MED12L: variants seen among roughly 807,000 people sequenced by gnomAD.
MED12L encodes mediator of RNA polymerase II transcription subunit 12-like protein.
MED12L carries 60 observed loss-of-function variants against 281.3 expected under a neutral mutation model. The ratio of observed to expected loss-of-function variants is 0.21; its 90% CI spans 0.17 to 0.26. The LOEUF (loss-of-function observed/expected upper bound fraction) is 0.26. Among genes scored for constraint, MED12L ranks in the 10% least tolerant of loss-of-function variants. MED12L has a pLI of 1.00. For synonymous variants in MED12L, 974 were observed against 987.2 expected (o/e 0.99, Z 0.25); for missense variants, 2,146 against 2,680.9 (o/e 0.80, Z 4.41).
At chr3:151,124,144 G>A (rs1296648463) in intron 4 of MED12L, among the ~76,000 whole-genome samples, 1 of 152,172 alleles carries the variant, frequency 6.6e-6, no homozygotes, top group African/African-American at 2.4e-5. Flanking sequence ...TACTTTCCAT[G>A]TTGCCAGCCT....
At chr3:151,149,007 C>T (rs60620665) in intron 5 of MED12L, among the ~76,000 whole-genome samples, 5,789 of 152,152 alleles carry the variant, frequency 0.038, 358 homozygotes, top group African/African-American at 0.13. Flanking sequence ...TTTAGGTGTG[C>T]AGTGGTGAGT....
chr3:151,231,307 G>C (rs1731620882), intron 16 of MED12L, among the ~76,000 whole-genome samples: 1 of 152,158 alleles, frequency 6.6e-6, no homozygotes. Flanking sequence ...AAAGCCACTG[G>C]GTGAATGGGT....
chr3:151,358,457 C>T (rs1034368300), intron 20 of MED12L, among the ~76,000 whole-genome samples: 13 of 152,102 alleles, frequency 8.5e-5, no homozygotes, highest in African/African-American at 2.6e-4. Flanking sequence ...AAAAATCTTT[C>T]GAACTGGAAG....
intron 20 of MED12L, among the ~76,000 whole-genome samples, chr3:151,360,264 A>G (rs577000291): frequency 2.6e-4 from 39 of 152,222 alleles, no homozygotes; most frequent in African/African-American, 8.9e-4. Flanking sequence ...GTCATCAGTG[A>G]CATTTCTGAA....
intron 16 of MED12L, among the ~76,000 whole-genome samples, chr3:151,208,134 C>T (rs1450253402): frequency 1.3e-5 from 2 of 152,088 alleles, no homozygotes; most frequent in African/African-American, 2.4e-5. Flanking sequence ...TATTTTTTAC[C>T]TAACTACTTT....
chr3:151,189,046 G>A (rs181919925), intron 13 of MED12L, among the ~76,000 whole-genome samples: 1 of 152,286 alleles, frequency 6.6e-6, no homozygotes, highest in Admixed American at 6.5e-5. Flanking sequence ...TATTTTGTGA[G>A]CTATGTAGGC....
intron 20 of MED12L, among the ~76,000 whole-genome samples, chr3:151,358,332 A>G (rs1306607780): frequency 1.3e-5 from 2 of 152,118 alleles, no homozygotes; most frequent in African/African-American, 2.4e-5. Flanking sequence ...CTACTGTATA[A>G]AGTTTGAATT....
rs1195667790 is a variant in MED12L at position 151,434,796 on chromosome 3, A to ATGAG, written c.*1995_*1998dup. 1.3e-5 allele frequency: 2 copies of ATGAG among 152,248 alleles called. No individual in the cohort carries two copies. Among genetic ancestry groups the ATGAG allele is most frequent in the Non-Finnish European group, 2.9e-5 (2 of 68,038 alleles). The allele number at this position is 152,248 out of a possible 1,614,324, so 9.4% of individuals were successfully genotyped here. A position where few individuals can be genotyped will look rare whatever the true frequency, so the allele number is the denominator to read the frequency against. ...AAACAACAGTAATACTGTTTTAAGA[A>ATGAG]TGAGTGTTATAATTGCATAGCATTT... On this transcript the variant is annotated 3_prime_UTR_variant, in exon 45 of 45. Transcript: ENST00000687756.
chr3:151,188,477 T>G lies in MED12L; in HGVS notation c.1750T>G (p.Leu584Val). 1.2e-6 allele frequency: 2 copies of G among 1,610,716 alleles called. No homozygotes were observed. Among genetic ancestry groups the G allele is most frequent in the Non-Finnish European group, 1.7e-6 (2 of 1,178,408 alleles). ...GTTTTTAGATACACAGGCCCCCTCT[T>G]TGTGTAAGTAGAGAAAACTCTTTGC... ...LRFLDTQAPS[L>V]SDPNSECEKV... The change falls in exon 13 of 45, where the codon TTG (leucine) becomes GTG (valine). Residue 584 changes from leucine to valine, a missense_variant. Leu to Val is a conservative substitution (Grantham distance 32, BLOSUM62 1). Transcript: ENST00000687756.
chr3:151,391,640 T>C (rs577760852), intron 38 of MED12L, among the ~76,000 whole-genome samples: 18 of 152,336 alleles, frequency 1.2e-4, no homozygotes, highest in Admixed American at 3.3e-4. Flanking sequence ...TTACAAATTT[T>C]TGTTGGGCTG....
chr3:151,312,261 A>G (rs1747650187), intron 16 of MED12L, among the ~76,000 whole-genome samples: 1 of 152,222 alleles, frequency 6.6e-6, no homozygotes, highest in Non-Finnish European at 1.5e-5. Flanking sequence ...TCTAGAGGCA[A>G]CAGATATTTA....
chr3:151,429,009 T>C (rs889289481), intron 43 of MED12L, among the ~76,000 whole-genome samples: 1 of 152,204 alleles, frequency 6.6e-6, no homozygotes, highest in Non-Finnish European at 1.5e-5. Flanking sequence ...TGCACTGGCG[T>C]TGGGTAATTG....
intron 42 of MED12L, among the ~76,000 whole-genome samples, 174 bp downstream of exon 42, chr3:151,413,469 T>C (rs951691384): frequency 6.6e-6 from 1 of 152,244 alleles, no homozygotes; most frequent in Non-Finnish European, 1.5e-5. Context: ...GCAAGAATTT[T>C]ATTTTCTCTG....
intron 16 of MED12L, among the ~76,000 whole-genome samples, chr3:151,314,848 A>T (rs1407190284): frequency 6.6e-6 from 1 of 152,202 alleles, no homozygotes; most frequent in Non-Finnish European, 1.5e-5. Context: ...CCTGTGAGGA[A>T]GGGAAGTGAG....
At chr3:151,254,501 G>A (rs1737446084) in intron 16 of MED12L, among the ~76,000 whole-genome samples, 1 of 152,134 alleles carries the variant, frequency 6.6e-6, no homozygotes, top group Non-Finnish European at 1.5e-5. Context: ...ATAATTAGTT[G>A]AGATATGTAA....
At chr3:151,225,958 C>A (rs894118541) in intron 16 of MED12L, among the ~76,000 whole-genome samples, 1 of 152,160 alleles carries the variant, frequency 6.6e-6, no homozygotes, top group Non-Finnish European at 1.5e-5. Context: ...CTCCTGTGTA[C>A]CCCTGATATT....
At chr3:151,204,547 A>G (rs1206319615) in intron 16 of MED12L, among the ~76,000 whole-genome samples, 3 of 152,254 alleles carry the variant, frequency 2.0e-5, no homozygotes, top group Non-Finnish European at 2.9e-5. Context: ...CTTCATCATC[A>G]TAGTGCTAGG....
At chr3:151,342,586 G>A (rs1249566250) in intron 16 of MED12L, among the ~76,000 whole-genome samples, 2 of 152,204 alleles carry the variant, frequency 1.3e-5, no homozygotes, top group Admixed American at 1.3e-4. Context: ...ACACTCAAAT[G>A]TGAGGACCAC....
chr3:151,165,326 T>C, intron 9 of MED12L, 94 bp from the exon 10 acceptor site: 3 of 891,230 alleles, frequency 3.4e-6, no homozygotes, highest in Non-Finnish European at 5.5e-6. Flanking sequence ...TAGTTCACTA[T>C]AGGATACTTT....
Sources: gnomAD v4.1 joint callset for allele counts (sites outside exome capture counted in the v4.1 genomes callset) on GRCh38, gnomAD v4.1.1 for gene constraint, MANE v1.5 for transcripts, NCBI Gene and HGNC (gene_info 2026-07-23, HGNC 2026-07-21) for gene names.